The following CCDC141 variants were observed in gnomAD, a reference collection of about 807,000 sequenced individuals.
CCDC141 encodes coiled-coil domain-containing protein 141.
Under a neutral mutation model 181.0 loss-of-function variants are expected in CCDC141, and 168 were observed. That is an observed-to-expected ratio of 0.93 (90% CI 0.82 to 1.05). The LOEUF (loss-of-function observed/expected upper bound fraction) is 1.05, where lower values mean the gene tolerates loss of function less well. CCDC141 is among the 50% of genes least tolerant of loss of function. The probability of loss-of-function intolerance (pLI) is 0.00; values close to 1 mark genes in which losing one functional copy is unlikely to be tolerated. For missense variants in CCDC141, 1,902 were observed against 1,788.5 expected (o/e 1.06, Z -1.14); for synonymous variants, 666 against 642.3 (o/e 1.04, Z -0.56).
chr2:178,996,025 T>G (rs1692272513), intron 2 of CCDC141, among the ~76,000 whole-genome samples: 2 of 152,172 alleles, frequency 1.3e-5, no homozygotes. Context: ...TTCTAACTTT[T>G]TTCCTATGAC....
At chr2:178,981,319 A>G (rs944303638) in intron 2 of CCDC141, among the ~76,000 whole-genome samples, 1 of 152,060 alleles carries the variant, frequency 6.6e-6, no homozygotes, top group African/African-American at 2.4e-5. Flanking sequence ...TACATGGAAC[A>G]TACATCAAGA....
At chr2:178,859,479 T>C (rs1357090633) in intron 17 of CCDC141, among the ~76,000 whole-genome samples, 1 of 152,092 alleles carries the variant, frequency 6.6e-6, no homozygotes. Context: ...CTGAGACAAC[T>C]GCTCAAGTTG....
chr2:178,961,588 TA>T lies in CCDC141; in HGVS notation c.527-106del, dbSNP rs1369192898. 8 of 965,596 alleles carry T rather than the reference TA, an allele frequency of 8.3e-6. No individual in the cohort carries two copies. The Admixed American group carries it at 1.2e-4, about 14-fold the overall frequency. 59.8% of individuals were successfully genotyped at this position (965,596 alleles called of 1,614,324 possible). A position where few individuals can be genotyped will look rare whatever the true frequency, so the allele number is the denominator to read the frequency against. On this transcript the variant is annotated intron_variant, in intron 4 of 23. Coordinates refer to ENST00000443758, the MANE Select transcript of CCDC141 (RefSeq NM_173648.4). ...AAAATATATGTAATTTTTATGTTAA[TA>T]AAAAACAAGTTGTGCTGCAAGGAAT...
chr2:178,947,966 G>C (rs565091551), intron 5 of CCDC141, among the ~76,000 whole-genome samples: 1 of 152,320 alleles, frequency 6.6e-6, no homozygotes, highest in South Asian at 2.1e-4. Context: ...TTGGGAAGCT[G>C]AGGCAGGTGG....
chr2:179,045,921 G>GC (rs2043483524), intron 2 of CCDC141, among the ~76,000 whole-genome samples: 1 of 4,908 alleles, frequency 2.0e-4, no homozygotes, highest in Non-Finnish European at 8.8e-4. Context: ...GCTGTCAAAC[G>GC]GGAATAAATT....
Position 178,878,015 on chromosome 2 carries a change from CTTCTT to C in CCDC141, c.1843_1847del (p.Lys615GlufsTer10). On this transcript the variant is annotated frameshift_variant, in exon 12 of 24. Transcript: ENST00000443758. LOFTEE classifies it high-confidence loss of function. Reference sequence around the variant, plus strand: ...GCCCTAGATCTTGTGTTATAAAACTCTTCTTTAAAAATAGCTGCCACTGCTTCTCA... The same window carrying C: ...GCCCTAGATCTTGTGTTATAAAACTCTAAAAATAGCTGCCACTGCTTCTCA... The C allele has an allele frequency of 6.2e-7, 1 of 1,613,834 alleles. No individual in the cohort carries two copies. The highest frequency in any genetic ancestry group is 8.5e-7 in the Non-Finnish European group (1 of 1,179,844).
chr2:178,918,965 G>A, intron 6 of CCDC141, 58 bp from the exon 7 acceptor site: 1 of 1,428,054 alleles, frequency 7.0e-7, no homozygotes, highest in South Asian at 1.4e-5. Context: ...CCGAATGCTT[G>A]TGTCCCCCCG....
At chr2:178,955,116 CT>C (rs2154378339) in intron 5 of CCDC141, among the ~76,000 whole-genome samples, 1 of 152,148 alleles carries the variant, frequency 6.6e-6, no homozygotes, top group South Asian at 2.1e-4. Context: ...GAAATCTGGT[CT>C]CTACTAAAAT....
chr2:178,981,636 G>GTGTATATATATATATATATATATA (rs1313433628), intron 2 of CCDC141, among the ~76,000 whole-genome samples: 56 of 62,368 alleles, frequency 9.0e-4, no homozygotes, highest in South Asian at 4.8e-3. Flanking sequence ...GTGTGTGTGT[G>GTGTATATATATATATATATATATA]TATATATATA....
chr2:178,837,836 C>T (rs765779512), intron 22 of CCDC141, 92 bp from the exon 23 acceptor site: 108 of 1,380,450 alleles, frequency 7.8e-5, no homozygotes, highest in African/African-American at 1.5e-4. Flanking sequence ...AGAGATAACT[C>T]GAGACAACCT....
intron 8 of CCDC141, among the ~76,000 whole-genome samples, chr2:178,903,610 G>A (rs1396085632): frequency 1.9e-5 from 2 of 103,910 alleles, no homozygotes; most frequent in Non-Finnish European, 3.6e-5. Context: ...CTGTTGTGGG[G>A]TGGGGGGAGG....
intron 21 of CCDC141, among the ~76,000 whole-genome samples, chr2:178,848,983 G>A (rs1685053878): frequency 2.0e-5 from 3 of 152,066 alleles, no homozygotes; most frequent in South Asian, 4.1e-4. Context: ...AGCTATGCAC[G>A]AAGATGTTCA....
At chr2:178,818,939 G>T in the CCDC141 span, among the ~76,000 whole-genome samples, 1 of 152,098 alleles carries the variant, frequency 6.6e-6, no homozygotes, top group African/African-American at 2.4e-5. Flanking sequence ...CAAGACTCTT[G>T]AATAGAGTCA....
chr2:178,891,508 C>G (rs1687146624), intron 8 of CCDC141, among the ~76,000 whole-genome samples: 1 of 152,066 alleles, frequency 6.6e-6, no homozygotes, highest in Non-Finnish European at 1.5e-5. Flanking sequence ...GTTGAGTGTT[C>G]TCGGCTGTCA....
Position 178,884,892 on chromosome 2 carries a change from G to C in CCDC141, c.1719+9C>G. ...CCTTGCTGAAGAAGGTTAACACATAGTACCATACCTCCTCTGATGACTTCA... is the reference window on the plus strand; with the variant it reads ...CCTTGCTGAAGAAGGTTAACACATACTACCATACCTCCTCTGATGACTTCA... On this transcript the variant is annotated intron_variant, in intron 11 of 23. Transcript: ENST00000443758. 3 of 1,549,208 alleles carry C rather than the reference G, an allele frequency of 1.9e-6. No homozygotes were observed. Among genetic ancestry groups the C allele is most frequent in the Non-Finnish European group, 2.6e-6 (3 of 1,145,938 alleles).
intron 2 of CCDC141, among the ~76,000 whole-genome samples, chr2:179,039,810 T>A (rs552554997): frequency 6.6e-6 from 1 of 152,350 alleles, no homozygotes; most frequent in South Asian, 2.1e-4. Context: ...AGTTTGTGCC[T>A]ATCTTGACAG....
At chr2:178,920,651 G>A (rs1174135376) in intron 6 of CCDC141, among the ~76,000 whole-genome samples, 1 of 151,448 alleles carries the variant, frequency 6.6e-6, no homozygotes, top group Non-Finnish European at 1.5e-5. Flanking sequence ...TTGAGACCAG[G>A]AAGTTGAGGC....
At chr2:178,996,099 T>G (rs914635762) in intron 2 of CCDC141, among the ~76,000 whole-genome samples, 1 of 151,702 alleles carries the variant, frequency 6.6e-6, no homozygotes, top group Admixed American at 6.6e-5. Context: ...TTTTTTTTTT[T>G]TTGGTGAGAT....
intron 2 of CCDC141, among the ~76,000 whole-genome samples, chr2:178,989,109 C>T (rs1046871989): frequency 6.6e-5 from 10 of 151,984 alleles, no homozygotes; most frequent in South Asian, 2.1e-4. Flanking sequence ...TTTTTAGATA[C>T]GACACCAGTA....
Sources: allele counts gnomAD v4.1 joint callset (sites outside exome capture counted in the v4.1 genomes callset), GRCh38; gene constraint gnomAD v4.1.1; transcripts MANE v1.5; gene names NCBI Gene and HGNC (gene_info 2026-07-23, HGNC 2026-07-21).